TRPM7: variants seen among roughly 807,000 people sequenced by gnomAD.
TRPM7 encodes the protein LTRPC ion channel family member 7.
Under a neutral mutation model 229.7 loss-of-function variants are expected in TRPM7, and 134 were observed. That is an observed-to-expected ratio of 0.58 (90% CI 0.51 to 0.67). The LOEUF is 0.67. TRPM7 is among the 30% of genes least tolerant of loss of function. TRPM7 has a pLI of 0.00. For missense variants in TRPM7, 1,901 were observed against 2,210.0 expected, an observed-to-expected ratio of 0.86 and a Z score of 2.80; for synonymous variants, 699 against 715.2, an observed-to-expected ratio of 0.98 and a Z score of 0.36.
intron 23 of TRPM7, among the ~76,000 whole-genome samples, chr15:50,594,831 A>G (rs1262198514): frequency 1.3e-5 from 2 of 152,190 alleles, no homozygotes; most frequent in Admixed American, 1.3e-4. Flanking sequence ...AAAAAAATTT[A>G]AAATATTGTA....
intron 1 of TRPM7, among the ~76,000 whole-genome samples, chr15:50,685,137 T>C (rs1201561558): frequency 6.6e-6 from 1 of 152,234 alleles, no homozygotes; most frequent in Non-Finnish European, 1.5e-5. Context: ...TATATGGTAG[T>C]TCATTCTACA....
At chr15:50,593,284 T>C (rs985785252) in intron 25 of TRPM7, among the ~76,000 whole-genome samples, 22 of 151,658 alleles carry the variant, frequency 1.5e-4, no homozygotes, top group African/African-American at 5.3e-4. Context: ...GGAGACTCTG[T>C]CTCAAAAAAA....
At position 50,609,893 on chromosome 15, in the gene TRPM7, G is replaced by T; in HGVS notation, c.2349C>A (p.Ser783=). The T allele has an allele frequency of 4.3e-6, 7 of 1,612,880 alleles. No individual in the cohort carries two copies. Among genetic ancestry groups the T allele is most frequent in the Non-Finnish European group, 5.9e-6 (7 of 1,179,336 alleles). Residue 783 remains serine, a synonymous_variant, in exon 18 of 39, where the codon TCC becomes TCA. Coordinates refer to ENST00000646667, the MANE Select transcript of TRPM7 (RefSeq NM_017672.6). ...LLEYKTKAEM[S]HIPQSQDAHQ... ...GAGCATCTTGAGATTGTGGGATATG[G>T]GACATTTCAGCCTTAGTTTTATACT...
chr15:50,678,918 G>C (rs1267823418), intron 1 of TRPM7, among the ~76,000 whole-genome samples: 1 of 152,162 alleles, frequency 6.6e-6, no homozygotes, highest in African/African-American at 2.4e-5. Flanking sequence ...CTGTCACCCA[G>C]GCTGGAGTGC....
At chr15:50,569,404 C>A (rs1315899888) in intron 38 of TRPM7, among the ~76,000 whole-genome samples, 1 of 152,150 alleles carries the variant, frequency 6.6e-6, no homozygotes, top group Non-Finnish European at 1.5e-5. Flanking sequence ...GCAAGGCTAA[C>A]TTGAAGGTCT....
chr15:50,674,253 T>G (rs1042755856), intron 1 of TRPM7, among the ~76,000 whole-genome samples: 1 of 152,182 alleles, frequency 6.6e-6, no homozygotes, highest in Non-Finnish European at 1.5e-5. Flanking sequence ...CCTCCCAAAG[T>G]GCTAGGATTA....
At chr15:50,616,147 A>C (rs1281748896) in intron 13 of TRPM7, among the ~76,000 whole-genome samples, 1 of 152,186 alleles carries the variant, frequency 6.6e-6, no homozygotes, top group Non-Finnish European at 1.5e-5. Flanking sequence ...AAATTTTTAA[A>C]TTAGGTAAAA....
chr15:50,619,100 T>G (rs940425885), intron 13 of TRPM7, among the ~76,000 whole-genome samples: 1 of 152,310 alleles, frequency 6.6e-6, no homozygotes, highest in South Asian at 2.1e-4. Flanking sequence ...TTCTGAGGAA[T>G]AAATTTCTGC....
intron 30 of TRPM7, among the ~76,000 whole-genome samples, chr15:50,579,896 C>T (rs1454412966): frequency 6.6e-6 from 1 of 152,190 alleles, no homozygotes; most frequent in East Asian, 1.9e-4. Context: ...AACAATCCTT[C>T]TGCCTCAAGC....
At chr15:50,625,381 A>T (rs969176718) in intron 11 of TRPM7, among the ~76,000 whole-genome samples, 1 of 152,146 alleles carries the variant, frequency 6.6e-6, no homozygotes, top group Non-Finnish European at 1.5e-5. Flanking sequence ...TTCGATTTAC[A>T]TCACCTAGCA....
chr15:50,680,386 C>T (rs887558061), intron 1 of TRPM7, among the ~76,000 whole-genome samples: 1 of 151,960 alleles, frequency 6.6e-6, no homozygotes, highest in Admixed American at 6.6e-5. Flanking sequence ...AGTAAAAACA[C>T]AAATTTTTAA....
chr15:50,574,617 G>A lies in TRPM7; in HGVS notation c.5102+20C>T. 2.5e-6 allele frequency: 4 copies of A among 1,598,944 alleles called. No individual in the cohort carries two copies. The highest frequency in any genetic ancestry group is 3.4e-6 in the Non-Finnish European group (4 of 1,173,222). ...GCTATCCATATAATAAAAGATCCCA[G>A]AAAAAAATTAAAGATTTACCTTGGA... On this transcript the variant is annotated intron_variant, in intron 35 of 38. Transcript: ENST00000646667.
intron 4 of TRPM7, among the ~76,000 whole-genome samples, chr15:50,648,080 T>G (rs959731261): frequency 1.3e-5 from 2 of 152,160 alleles, no homozygotes; most frequent in Admixed American, 6.5e-5. Context: ...CTGGCCTATA[T>G]TAGATATTAT....
At position 50,570,114 on chromosome 15, in the gene TRPM7, CTGCTTT is replaced by C. The variant is rs777497421; in HGVS notation, c.5344_5349del (p.Lys1782_Ala1783del). Reference sequence around the variant, plus strand: ...GTTAAAACTTATTACCTCTTTTCTTCTGCTTTTATCACAGATGGGTCAGTCAAATTT... The same window carrying C: ...GTTAAAACTTATTACCTCTTTTCTTCTATCACAGATGGGTCAGTCAAATTT... On this transcript the variant is annotated inframe_deletion, in exon 37 of 39. Coordinates refer to ENST00000646667, the MANE Select transcript of TRPM7 (RefSeq NM_017672.6). The C allele has an allele frequency of 6.2e-7, 1 of 1,610,254 alleles. No individual in the cohort carries two copies. The highest frequency in any genetic ancestry group is 8.5e-7 in the Non-Finnish European group (1 of 1,178,450).
intron 37 of TRPM7, 27 bp downstream of exon 37, chr15:50,570,077 C>T: frequency 6.2e-7 from 1 of 1,600,082 alleles, no homozygotes; most frequent in Non-Finnish European, 8.5e-7. Context: ...GAAATTATGC[C>T]TTAATGAAAT....
chr15:50,663,749 T>C (rs1417975080), intron 1 of TRPM7, among the ~76,000 whole-genome samples: 1 of 152,108 alleles, frequency 6.6e-6, no homozygotes, highest in African/African-American at 2.4e-5. Context: ...AGGATCCTTT[T>C]AGACAGAATT....
chr15:50,560,903 G>A lies in TRPM7; in HGVS notation c.*775C>T, dbSNP rs1255799971. The stretch of plus-strand genomic sequence containing the variant: ...CTCAAAAGGTAACTTCCCTTGACGA[G>A]TGAGTTAGGTTTCTGCTTTTATAAT... On this transcript the variant is annotated 3_prime_UTR_variant, in exon 39 of 39. Coordinates refer to ENST00000646667, the MANE Select transcript of TRPM7 (RefSeq NM_017672.6). 1 of 152,574 alleles carries A rather than the reference G, an allele frequency of 6.6e-6. No homozygotes were observed. The allele number at this position is 152,574 out of a possible 1,614,324, so 9.5% of individuals were successfully genotyped here.
intron 7 of TRPM7, among the ~76,000 whole-genome samples, chr15:50,636,365 A>G (rs530080119): frequency 2.0e-5 from 3 of 152,058 alleles, no homozygotes; most frequent in Admixed American, 6.5e-5. Flanking sequence ...TAATTTTTGT[A>G]TTTTTAGGAG....
intron 3 of TRPM7, among the ~76,000 whole-genome samples, chr15:50,657,427 G>C (rs563187982): frequency 6.6e-6 from 1 of 152,260 alleles, no homozygotes; most frequent in Admixed American, 6.5e-5. Context: ...TAGAGTAACT[G>C]AAACTCTCAT....
Sources: gnomAD v4.1 joint callset for allele counts (sites outside exome capture counted in the v4.1 genomes callset) on GRCh38, gnomAD v4.1.1 for gene constraint, MANE v1.5 for transcripts, NCBI Gene and HGNC (gene_info 2026-07-23, HGNC 2026-07-21) for gene names.